Variants in FECH observed in about 807,000 individuals in gnomAD.
FECH encodes the protein ferrochelatase, also known as ferrochelatase, mitochondrial.
FECH carries 40 observed loss-of-function variants against 56.9 expected under a neutral mutation model. That is an observed-to-expected ratio of 0.70 (90% CI 0.55 to 0.92). The LOEUF (loss-of-function observed/expected upper bound fraction) is 0.92, where lower values mean the gene tolerates loss of function less well. Ranked by LOEUF, FECH falls within the 40% of genes least tolerant of loss-of-function variation. The probability of loss-of-function intolerance (pLI) is 0.00; values close to 1 mark genes in which losing one functional copy is unlikely to be tolerated. For missense variants in FECH, 431 were observed against 529.1 expected (o/e 0.81, Z 1.82); for synonymous variants, 175 against 198.6 (o/e 0.88, Z 1.00).
chr18:57,578,144 T>C (rs1368202839), intron 2 of FECH, among the ~76,000 whole-genome samples: 1 of 152,190 alleles, frequency 6.6e-6, no homozygotes, highest in East Asian at 1.9e-4. Flanking sequence ...GATTCCAAAC[T>C]GAATCAGTTC....
At chr18:57,569,735 T>C (rs11874117) in intron 4 of FECH, among the ~76,000 whole-genome samples, 152,041 of 152,254 alleles carry the variant, frequency 1, 75,914 homozygotes, top group Non-Finnish European at 1. Context: ...TTTATAATGA[T>C]GGGTACTACA....
At chr18:57,564,558 G>T (rs2040242) in intron 5 of FECH, among the ~76,000 whole-genome samples, 88,263 of 152,044 alleles carry the variant, frequency 0.58, 25,817 homozygotes, top group Non-Finnish European at 0.62. Context: ...GTTGAAAATG[G>T]TAGTCAGGAG....
intron 6 of FECH, among the ~76,000 whole-genome samples, chr18:57,560,466 C>T (rs536201121): frequency 6.6e-6 from 1 of 152,322 alleles, no homozygotes; most frequent in East Asian, 1.9e-4. Context: ...GCCTGAGCAA[C>T]ATGGAAAGAC....
At chr18:57,553,247 A>G (rs563125649) in intron 9 of FECH, among the ~76,000 whole-genome samples, 35 of 148,074 alleles carry the variant, frequency 2.4e-4, no homozygotes, top group Non-Finnish European at 4.8e-4. Flanking sequence ...GCCAATTACA[A>G]CTTGCCTGCA....
At chr18:57,578,178 C>A (rs1040284829) in intron 2 of FECH, among the ~76,000 whole-genome samples, 3 of 152,096 alleles carry the variant, frequency 2.0e-5, no homozygotes, top group African/African-American at 7.2e-5. Flanking sequence ...AAATCCCAAC[C>A]CTCAGTGCAT....
intron 4 of FECH, 69 bp from the exon 5 acceptor site, chr18:57,566,650 A>G: frequency 6.4e-7 from 1 of 1,570,468 alleles, no homozygotes. Flanking sequence ...GTCAACAAAC[A>G]TAATGCAATG....
intron 7 of FECH, among the ~76,000 whole-genome samples, chr18:57,557,485 G>A (rs2050883662): frequency 6.6e-6 from 1 of 152,174 alleles, no homozygotes; most frequent in African/African-American, 2.4e-5. Flanking sequence ...GAGGAGGCAA[G>A]GCAGCACCGG....
At chr18:57,553,509 AG>A (rs1441057129) in intron 9 of FECH, among the ~76,000 whole-genome samples, 2 of 152,194 alleles carry the variant, frequency 1.3e-5, no homozygotes, top group Non-Finnish European at 2.9e-5. Flanking sequence ...GAGGGAGGAA[AG>A]GGTTTCTTGG....
rs567168120 is a variant in FECH at position 57,568,783 on chromosome 18, C to T, written c.464-2202G>A. Among the ~76,000 whole-genome samples, 19 of 152,216 alleles carry T rather than the reference C, an allele frequency of 1.2e-4. No individual in the cohort carries two copies. In the South Asian group the frequency reaches 3.1e-3, roughly 25 times the overall value. ...TAGCATGTACAATAGTTCAAATGTC[C>T]GATTTGTACATGATTTTTTGAAAGA... On this transcript the variant is annotated intron_variant, in intron 4 of 10. Coordinates refer to ENST00000262093, the MANE Select transcript of FECH (RefSeq NM_000140.5).
At chr18:57,558,374 G>C (rs2050894996) in intron 7 of FECH, among the ~76,000 whole-genome samples, 1 of 152,204 alleles carries the variant, frequency 6.6e-6, no homozygotes, top group Non-Finnish European at 1.5e-5. Context: ...CTAAGGAACA[G>C]CCAGATCCCA....
rs1423668188 is a variant in FECH, at chr18:57,549,902, C to T, written c.*810G>A. The T allele has an allele frequency of 6.6e-6, 1 of 152,146 alleles. No homozygotes were observed. Among genetic ancestry groups the T allele is most frequent in the African/African-American group, 2.4e-5 (1 of 41,446 alleles). The allele number at this position is 152,146 out of a possible 1,614,324, so 9.4% of individuals were successfully genotyped here. The stretch of plus-strand genomic sequence containing the variant: ...CTGGATGGAGAGGCTTGCAAGGTCC[C>T]GGGAGGAGCTCCAGGGTGAAGCTCA... On this transcript the variant is annotated 3_prime_UTR_variant, in exon 11 of 11. Coordinates refer to ENST00000262093, the MANE Select transcript of FECH (RefSeq NM_000140.5).
chr18:57,564,169 C>T (rs575960677), intron 5 of FECH, among the ~76,000 whole-genome samples: 8 of 152,228 alleles, frequency 5.3e-5, no homozygotes, highest in South Asian at 2.1e-4. Flanking sequence ...TGAGCCACCG[C>T]GCCCAGCATA....
chr18:57,576,774 T>G (rs1263118629), intron 2 of FECH, among the ~76,000 whole-genome samples: 3 of 152,216 alleles, frequency 2.0e-5, no homozygotes, highest in African/African-American at 7.2e-5. Flanking sequence ...AACTGTGTTG[T>G]GCATGATGAA....
chr18:57,550,337 A>G lies in FECH; in HGVS notation c.*375T>C. On this transcript the variant is annotated 3_prime_UTR_variant, in exon 11 of 11. Transcript: ENST00000262093. Reference sequence around the variant, plus strand: ...GCACGAGACTAAACAGATCTCATTCACACTGCCAGCCCACAGAGGGGACTC... The same window carrying G: ...GCACGAGACTAAACAGATCTCATTCGCACTGCCAGCCCACAGAGGGGACTC... 2 of 232,542 alleles carry G rather than the reference A, an allele frequency of 8.6e-6. No individual in the cohort carries two copies. Among genetic ancestry groups the G allele is most frequent in the South Asian group, 6.3e-5 (1 of 15,776 alleles). The allele number at this position is 232,542 out of a possible 1,614,324, so 14.4% of individuals were successfully genotyped here.
chr18:57,568,269 G>A (rs1234320945), intron 4 of FECH, among the ~76,000 whole-genome samples: 1 of 152,154 alleles, frequency 6.6e-6, no homozygotes, highest in Non-Finnish European at 1.5e-5. Context: ...AATGCCTAGG[G>A]TCTGGGAGTT....
chr18:57,569,814 G>A (rs2051070244), intron 4 of FECH, among the ~76,000 whole-genome samples: 1 of 151,602 alleles, frequency 6.6e-6, no homozygotes, highest in Non-Finnish European at 1.5e-5. Flanking sequence ...CATAGCAATT[G>A]CAAATCTGGT....
At chr18:57,566,333 T>A in intron 5 of FECH, 114 bp downstream of exon 5, 1 of 1,434,602 alleles carries the variant, frequency 7.0e-7, no homozygotes, top group Non-Finnish European at 9.8e-7. Flanking sequence ...AGAAGACAGG[T>A]TGAATTTGCC....
rs536560 is a variant in FECH, at chr18:57,554,416, T to C, written c.921A>G (p.Pro307=). The change falls in exon 9 of 11, where the codon CCA becomes CCG. Residue 307 remains proline, a synonymous_variant. Transcript: ENST00000262093. The part of the protein sequence containing the change: ...YRLVWQSKVG[P]MPWLGPQTDE... ...CTGTTTGAGGACCCAACCAGGGCAT[T>C]GGACCAACCTATGCGAAAGATAGAC... 0.7 allele frequency: 1,132,208 copies of C among 1,613,744 alleles called. 400,990 individuals carry two copies. Among genetic ancestry groups the C allele is most frequent in the African/African-American group, 0.93 (69,959 of 75,040 alleles).
In FECH at chr18:57,554,956, C is replaced by T. The variant is rs766832982; in HGVS notation, c.805-4G>A. 8.1e-6 allele frequency: 13 copies of T among 1,612,226 alleles called. No individual in the cohort carries two copies. In the African/African-American group the frequency reaches 1.7e-4, roughly 22 times the overall value. On this transcript the variant is annotated splice_polypyrimidine_tract_variant and splice_region_variant and intron_variant, in intron 7 of 10. Coordinates refer to ENST00000262093, the MANE Select transcript of FECH (RefSeq NM_000140.5). ...ATGGGTCGCCTCTGTTGACCACCTG[C>T]AGCAGAGACACAATGGGTGTTCAGC...
Sources: allele counts gnomAD v4.1 joint callset (sites outside exome capture counted in the v4.1 genomes callset), GRCh38; gene constraint gnomAD v4.1.1; transcripts MANE v1.5; gene names NCBI Gene and HGNC (gene_info 2026-07-23, HGNC 2026-07-21).